MAP7: variants seen among roughly 807,000 people sequenced by gnomAD.
MAP7 encodes ensconsin.
MAP7 carries 52 observed loss-of-function variants against 94.8 expected under a neutral mutation model. The ratio of observed to expected loss-of-function variants is 0.55; its 90% CI spans 0.44 to 0.69. The LOEUF (loss-of-function observed/expected upper bound fraction) is 0.69. Ranked by LOEUF, MAP7 falls within the 30% of genes least tolerant of loss-of-function variation. MAP7 has a pLI of 0.00. For missense variants in MAP7, 940 were observed against 964.6 expected (o/e 0.97, Z 0.34); for synonymous variants, 350 against 357.0 (o/e 0.98, Z 0.22).
rs547707020 is a variant in MAP7, at chr6:136,395,838, G to A, written c.245-6321C>T. On this transcript the variant is annotated intron_variant, in intron 3 of 17. Coordinates refer to ENST00000354570, the MANE Select transcript of MAP7 (RefSeq NM_003980.6). ...GTCCTTTCCCCACCGAATGTTCTTG[G>A]TACCTTTGTTGAAAATCAGTTGGCT... 1.4e-4 allele frequency among the ~76,000 whole-genome samples: 22 copies of A among 152,104 alleles called. No homozygotes were observed. In the East Asian group the frequency reaches 4.1e-3, roughly 28 times the overall value.
At chr6:136,369,354 G>A (rs1795050499) in intron 8 of MAP7, among the ~76,000 whole-genome samples, 1 of 152,106 alleles carries the variant, frequency 6.6e-6, no homozygotes, top group Admixed American at 6.6e-5. Context: ...TGGGTGGATC[G>A]CTTGAGGTCA....
chr6:136,392,388 CTTTT>C (rs11347286), intron 3 of MAP7, among the ~76,000 whole-genome samples: 8 of 102,602 alleles, frequency 7.8e-5, no homozygotes, highest in African/African-American at 2.2e-4. Flanking sequence ...CTGCATCTTG[CTTTT>C]TTTTTTTTTT....
At chr6:136,534,309 T>A (rs981282754) in intron 1 of MAP7, among the ~76,000 whole-genome samples, 1 of 152,198 alleles carries the variant, frequency 6.6e-6, no homozygotes, top group Non-Finnish European at 1.5e-5. Flanking sequence ...CATGTCACAG[T>A]CTTAAGGCAG....
At chr6:136,528,702 C>T (rs1828228531) in intron 1 of MAP7, among the ~76,000 whole-genome samples, 1 of 152,210 alleles carries the variant, frequency 6.6e-6, no homozygotes, top group Non-Finnish European at 1.5e-5. Context: ...AAGCTAGCTG[C>T]TGCTCTAATA....
chr6:136,472,473 G>A (rs998405980), intron 1 of MAP7, among the ~76,000 whole-genome samples: 3 of 152,150 alleles, frequency 2.0e-5, no homozygotes, highest in African/African-American at 7.2e-5. Context: ...TTATCCATAT[G>A]TGTAAGAAAC....
chr6:136,532,853 G>A (rs935161198), intron 1 of MAP7, among the ~76,000 whole-genome samples: 5 of 152,166 alleles, frequency 3.3e-5, no homozygotes, highest in Non-Finnish European at 5.9e-5. Flanking sequence ...TGATGGTCCC[G>A]AGGTTTTAGC....
At chr6:136,366,464 T>A in intron 8 of MAP7, 25 bp from the exon 9 acceptor site, 1 of 1,516,352 alleles carries the variant, frequency 6.6e-7, no homozygotes, top group Non-Finnish European at 9.2e-7. Context: ...ACTCAATAGT[T>A]AGATTTTTCC....
intron 2 of MAP7, chr6:136,420,140 A>G (rs1354927873): frequency 1.1e-5 from 10 of 890,082 alleles, no homozygotes; most frequent in East Asian, 4.8e-5. Flanking sequence ...ATCAAAGAAG[A>G]AAGTATTTTT....
chr6:136,536,267 G>A (rs767963167), intron 1 of MAP7, among the ~76,000 whole-genome samples: 11 of 151,720 alleles, frequency 7.3e-5, no homozygotes, highest in East Asian at 1.9e-4. Context: ...CCATAAATAC[G>A]TCTTCTCTTA....
intron 1 of MAP7, among the ~76,000 whole-genome samples, chr6:136,544,877 T>C (rs1829600054): frequency 6.6e-6 from 1 of 152,146 alleles, no homozygotes; most frequent in African/African-American, 2.4e-5. Flanking sequence ...GGAGGATCAC[T>C]TGAGCCCAGG....
chr6:136,454,079 C>T (rs1039124860), intron 1 of MAP7, among the ~76,000 whole-genome samples: 5 of 152,116 alleles, frequency 3.3e-5, no homozygotes, highest in African/African-American at 1.2e-4. Flanking sequence ...TACCGAGGAA[C>T]ATAGAGCTCA....
intron 1 of MAP7, among the ~76,000 whole-genome samples, chr6:136,523,800 T>C (rs1227551695): frequency 6.6e-6 from 1 of 152,160 alleles, no homozygotes; most frequent in East Asian, 1.9e-4. Context: ...AAGTCTCTCT[T>C]ATCCAAGAAG....
intron 8 of MAP7, among the ~76,000 whole-genome samples, chr6:136,368,131 G>A (rs1430609441): frequency 2.0e-5 from 3 of 151,916 alleles, no homozygotes; most frequent in African/African-American, 4.8e-5. Flanking sequence ...ATCACCTAGG[G>A]GTAGGTGAGC....
chr6:136,412,606 T>C (rs1787842524), intron 2 of MAP7, among the ~76,000 whole-genome samples: 1 of 152,002 alleles, frequency 6.6e-6, no homozygotes, highest in African/African-American at 2.4e-5. Context: ...GGCCCTGAGG[T>C]TGCAAGTACC....
chr6:136,363,812 T>C (rs1387472475), intron 10 of MAP7, among the ~76,000 whole-genome samples: 1 of 152,186 alleles, frequency 6.6e-6, no homozygotes, highest in South Asian at 2.1e-4. Context: ...AGGAATAGCA[T>C]TGCCAGATTT....
intron 1 of MAP7, among the ~76,000 whole-genome samples, chr6:136,451,369 T>C (rs1328482073): frequency 5.3e-5 from 8 of 152,352 alleles, no homozygotes; most frequent in Non-Finnish European, 4.4e-5. Context: ...TGACAGCACA[T>C]CTGTTGACAG....
intron 1 of MAP7, among the ~76,000 whole-genome samples, chr6:136,545,689 T>C (rs1829676683): frequency 6.6e-6 from 1 of 152,224 alleles, no homozygotes; most frequent in Non-Finnish European, 1.5e-5. Context: ...CTCCCTTTCC[T>C]CCATCTAATT....
At chr6:136,549,898 A>C (rs1196624123) in intron 1 of MAP7, among the ~76,000 whole-genome samples, 1 of 152,144 alleles carries the variant, frequency 6.6e-6, no homozygotes, top group Non-Finnish European at 1.5e-5. Flanking sequence ...CGACCAGGGA[A>C]GGCGGGAGGA....
chr6:136,404,625 C>T (rs1025211723), intron 3 of MAP7, among the ~76,000 whole-genome samples: 8 of 152,052 alleles, frequency 5.3e-5, no homozygotes, highest in African/African-American at 1.2e-4. Flanking sequence ...ATAGAATCCC[C>T]GAAAGTACCA....
Sources: allele counts gnomAD v4.1 joint callset (sites outside exome capture counted in the v4.1 genomes callset), GRCh38; gene constraint gnomAD v4.1.1; transcripts MANE v1.5; gene names NCBI Gene and HGNC (gene_info 2026-07-23, HGNC 2026-07-21).